ADGRF3: variants seen among roughly 807,000 people sequenced by gnomAD.
The protein encoded by ADGRF3 is adhesion G protein-coupled receptor F3.
In ADGRF3, 85 loss-of-function variants were observed where a neutral mutation model predicts 93.2. That is an observed-to-expected ratio of 0.91 (90% CI 0.77 to 1.09). The LOEUF (loss-of-function observed/expected upper bound fraction) is 1.09, where lower values mean the gene tolerates loss of function less well. Among genes scored for constraint, ADGRF3 ranks in the 50% least tolerant of loss-of-function variants. The probability of loss-of-function intolerance (pLI) is 0.00; values close to 1 mark genes in which losing one functional copy is unlikely to be tolerated. For missense variants in ADGRF3, 1,125 were observed against 1,246.2 expected, an observed-to-expected ratio of 0.90 and a Z score of 1.46; for synonymous variants, 534 against 532.5, an observed-to-expected ratio of 1.00 and a Z score of -0.04.
chr2:26,312,100 C>A (rs745940609), intron 9 of ADGRF3, 26 bp from the exon 10 acceptor site: 1 of 1,577,738 alleles, frequency 6.3e-7, no homozygotes, highest in Non-Finnish European at 8.6e-7. Flanking sequence ...GAAAGATGAA[C>A]CCCGTCTGCT....
At position 26,316,988 on chromosome 2, in the gene ADGRF3, G is replaced by A; in HGVS notation, c.249C>T (p.Ser83=). The A allele has an allele frequency of 6.2e-7, 1 of 1,613,286 alleles. No individual in the cohort carries two copies. ...FPDKTWPPEL[S]RTLTLPAASA... is the part of the protein sequence containing the mutation. ...AGGCAGCAGGGAGAGTCAGTGTCCTGGAGAGTTCAGGGGGCCAGGTCTTAT... is the reference window on the plus strand; with the variant it reads ...AGGCAGCAGGGAGAGTCAGTGTCCTAGAGAGTTCAGGGGGCCAGGTCTTAT... The change falls in exon 3 of 14, where the codon TCC becomes TCT. Residue 83 remains serine (S), a synonymous_variant. Coordinates refer to ENST00000651242, the MANE Select transcript of ADGRF3 (RefSeq NM_001321971.2).
chr2:26,324,947 A>G (rs1341072548), intron 1 of ADGRF3, among the ~76,000 whole-genome samples: 4 of 152,226 alleles, frequency 2.6e-5, no homozygotes, highest in Non-Finnish European at 5.9e-5. Context: ...AACAGTGTGT[A>G]AGTGTTCCTT....
intron 1 of ADGRF3, among the ~76,000 whole-genome samples, chr2:26,320,782 G>A (rs78536344): frequency 0.048 from 7,379 of 152,194 alleles, 585 homozygotes; most frequent in African/African-American, 0.17. Context: ...GGATTTCCAA[G>A]CAACACATTA....
At chr2:26,344,368 T>C (rs11894885) in intron 1 of ADGRF3, among the ~76,000 whole-genome samples, 1 of 152,140 alleles carries the variant, frequency 6.6e-6, no homozygotes. Context: ...GGTCTCAAAC[T>C]CCTGATCGCA....
intron 1 of ADGRF3, among the ~76,000 whole-genome samples, chr2:26,322,268 G>A (rs1229848756): frequency 7.2e-6 from 1 of 138,224 alleles, no homozygotes; most frequent in Non-Finnish European, 1.5e-5. Flanking sequence ...GGGCGACAGA[G>A]CAAGAATCTG....
intron 12 of ADGRF3, chr2:26,309,805 AAG>A: frequency 9.4e-7 from 1 of 1,064,104 alleles, no homozygotes; most frequent in Non-Finnish European, 1.3e-6. Context: ...AACCAGAGAA[AAG>A]AGAGTCAGCA....
At chr2:26,319,078 A>C (rs1558390237) in intron 1 of ADGRF3, 1 of 1,533,090 alleles carries the variant, frequency 6.5e-7, no homozygotes, top group Non-Finnish European at 8.8e-7. Context: ...CTACAAGCCC[A>C]CGATGCAAAT....
intron 1 of ADGRF3, among the ~76,000 whole-genome samples, chr2:26,318,652 C>A (rs1674913368): frequency 6.6e-6 from 1 of 152,156 alleles, no homozygotes; most frequent in Non-Finnish European, 1.5e-5. Flanking sequence ...GTTTCCAAAT[C>A]TGCAAAATTT....
rs201233414 is a variant in ADGRF3 at position 26,311,264 on chromosome 2, C to T, written c.2260G>A (p.Ala754Thr). The T allele has an allele frequency of 4.2e-5, 68 of 1,612,824 alleles. No individual in the cohort carries two copies. The African/African-American group carries it at 5.1e-4, about 12-fold the overall frequency. ...GGGGCGCCCAGGAAGCAAGTGTCTG[C>T]GGCCAGCAAGCAGAACACCATGTTG... ...LLNMVFCLLAADTCFLGAPFL... is the reference protein window; with the variant it reads ...LLNMVFCLLATDTCFLGAPFL... The change falls in exon 10 of 14, where the codon GCA (alanine) becomes ACA (threonine). Residue 754 changes from alanine to threonine, a missense_variant. By Grantham distance (58) the Ala-to-Thr change is moderately conservative. Transcript: ENST00000651242.
At chr2:26,313,243 T>C (rs1048356346) in intron 8 of ADGRF3, 121 bp from the exon 9 acceptor site, 58 of 1,434,746 alleles carry the variant, frequency 4.0e-5, no homozygotes, top group Non-Finnish European at 5.3e-5. Context: ...TTCCTGGCTC[T>C]GCTAGGGCTC....
chr2:26,310,596 T>C, intron 10 of ADGRF3, 96 bp downstream of exon 10: 1 of 1,309,610 alleles, frequency 7.6e-7, no homozygotes, highest in South Asian at 1.5e-5. Flanking sequence ...AACCTATGTT[T>C]CTTCTGCTCC....
At chr2:26,313,325 G>T in intron 8 of ADGRF3, 52 bp downstream of exon 8, 1 of 1,490,602 alleles carries the variant, frequency 6.7e-7, no homozygotes, top group Non-Finnish European at 9.0e-7. Flanking sequence ...GTCCTAGAGA[G>T]GCTAGGGTGG....
chr2:26,312,895 C>T (rs1162153367), intron 9 of ADGRF3, 48 bp downstream of exon 9: 2 of 1,527,860 alleles, frequency 1.3e-6, no homozygotes, highest in East Asian at 2.4e-5. Context: ...GGGGAGTCTT[C>T]AGCCCCCGAC....
In ADGRF3 at chr2:26,316,457, G is replaced by C; in HGVS notation, c.326-9C>G. The C allele has an allele frequency of 6.4e-7, 1 of 1,550,626 alleles. No individual in the cohort carries two copies. Among genetic ancestry groups the C allele is most frequent in the Non-Finnish European group, 8.7e-7 (1 of 1,146,454 alleles). On this transcript the variant is annotated splice_polypyrimidine_tract_variant and intron_variant, in intron 3 of 13. Coordinates refer to ENST00000651242, the MANE Select transcript of ADGRF3 (RefSeq NM_001321971.2). ...GTGGTTGACATTACACTCTGACAGA[G>C]AGAAGAGAAGAGGGGGTGGGCAGGC... is the stretch of plus-strand genomic sequence containing the variant.
chr2:26,327,808 A>T (rs1029834485), intron 1 of ADGRF3, among the ~76,000 whole-genome samples: 3 of 151,546 alleles, frequency 2.0e-5, no homozygotes, highest in Non-Finnish European at 2.9e-5. Context: ...GGACTCCAGG[A>T]CTGTAAGAAA....
rs1267677209 is a variant in ADGRF3 at position 26,311,155 on chromosome 2, C to A, written c.2369G>T (p.Trp790Leu). Residue 790 changes from tryptophan (W) to leucine (L), a missense_variant, in exon 10 of 14, where the codon TGG (tryptophan) becomes TTG (leucine). Coordinates refer to ENST00000651242, the MANE Select transcript of ADGRF3 (RefSeq NM_001321971.2). ...CHFLYLATFFWMLAQALVLAH... is the reference protein window; with the variant it reads ...CHFLYLATFFLMLAQALVLAH... Reference sequence around the variant, plus strand: ...CAACACCAGGGCCTGCGCCAGCATCCAGAAAAAGGTGGCCAGGTAGAGGAA... The same window carrying A: ...CAACACCAGGGCCTGCGCCAGCATCAAGAAAAAGGTGGCCAGGTAGAGGAA... 1 of 1,596,562 alleles carries A rather than the reference C, an allele frequency of 6.3e-7. No individual in the cohort carries two copies. The highest frequency in any genetic ancestry group is 8.5e-7 in the Non-Finnish European group (1 of 1,171,970).
intron 1 of ADGRF3, chr2:26,317,980 C>T (rs185242316): frequency 1.7e-5 from 25 of 1,477,470 alleles, no homozygotes; most frequent in East Asian, 9.9e-5. Context: ...CTCTTTCCTC[C>T]GTCTTTGGTT....
chr2:26,319,608 T>C (rs1370710240), intron 1 of ADGRF3, among the ~76,000 whole-genome samples: 1 of 70,194 alleles, frequency 1.4e-5, no homozygotes, highest in Non-Finnish European at 3.4e-5. Context: ...CCTTCCTTCC[T>C]TCCTTCCTTT....
rs941369423 is a variant in ADGRF3 at position 26,310,898 on chromosome 2, G to T, written c.2626C>A (p.Leu876Ile). 4 of 1,612,880 alleles carry T rather than the reference G, an allele frequency of 2.5e-6. No homozygotes were observed. The highest frequency in any genetic ancestry group is 3.4e-6 in the Non-Finnish European group (4 of 1,179,410). Residue 876 changes from leucine (L) to isoleucine (I), a missense_variant, in exon 10 of 14, where the codon CTA becomes ATA. By Grantham distance (5) the Leu-to-Ile change is conservative. Transcript: ENST00000651242. ...AGCAACTTCAGCATGGCCATGGCTA[G>T]TACCAGCCCATTCACGCCTATGATG... ...LAIIGVNGLV[L>I]AMAMLKLLRP...
Sources: gnomAD v4.1 joint callset for allele counts (sites outside exome capture counted in the v4.1 genomes callset) on GRCh38, gnomAD v4.1.1 for gene constraint, MANE v1.5 for transcripts, NCBI Gene and HGNC (gene_info 2026-07-23, HGNC 2026-07-21) for gene names.